Variants in WDR72 observed in about 807,000 individuals in gnomAD.
WDR72 encodes the protein WD repeat-containing protein 72.
Under a neutral mutation model 124.2 loss-of-function variants are expected in WDR72, and 120 were observed. The observed-to-expected ratio is 0.97, with a 90% CI of 0.83 to 1.12. The LOEUF (loss-of-function observed/expected upper bound fraction) is 1.12. Among genes scored for constraint, WDR72 ranks in the 50% most tolerant of loss-of-function variants. The probability of loss-of-function intolerance (pLI) is 0.00; values close to 1 mark genes in which losing one functional copy is unlikely to be tolerated. For missense variants in WDR72, 1,387 were observed against 1,278.8 expected (o/e 1.08, Z -1.29); for synonymous variants, 452 against 441.7 (o/e 1.02, Z -0.29).
intron 18 of WDR72, among the ~76,000 whole-genome samples, chr15:53,564,612 A>G (rs1170194981): frequency 1.3e-5 from 2 of 151,860 alleles, no homozygotes. Flanking sequence ...CTGTGTCTAA[A>G]TTTTCTGTAT....
intron 14 of WDR72, among the ~76,000 whole-genome samples, chr15:53,662,390 A>G (rs941126639): frequency 2.6e-5 from 4 of 152,174 alleles, no homozygotes; most frequent in Non-Finnish European, 4.4e-5. Flanking sequence ...ACTTGCTTCA[A>G]ATACAACAAT....
intron 13 of WDR72, among the ~76,000 whole-genome samples, chr15:53,669,020 G>T (rs981396835): frequency 8.2e-5 from 10 of 122,542 alleles, no homozygotes; most frequent in South Asian, 3.1e-4. Context: ...AAGGAGAAAA[G>T]AAGAAGGGAG....
At chr15:53,565,484 G>T (rs1197135691) in intron 18 of WDR72, among the ~76,000 whole-genome samples, 1 of 151,870 alleles carries the variant, frequency 6.6e-6, no homozygotes, top group East Asian at 1.9e-4. Context: ...AATGTGCCAA[G>T]ACCTATTCTC....
At position 53,517,306 on chromosome 15, in the gene WDR72, T is replaced by A. The variant is rs1891518223; in HGVS notation, c.*393A>T. The A allele has an allele frequency of 5.1e-6, 1 of 194,898 alleles. No homozygotes were observed. The highest frequency in any genetic ancestry group is 5.4e-5 in the Admixed American group (1 of 18,384). The allele number at this position is 194,898 out of a possible 1,614,324, so 12.1% of individuals were successfully genotyped here. The stretch of plus-strand genomic sequence containing the variant: ...AAGCAGTATTAAATTTGTAAGTAAG[T>A]ATTGTGTACTACATTGGTTTTAACA... On this transcript the variant is annotated 3_prime_UTR_variant, in exon 20 of 20. Coordinates refer to ENST00000360509, the MANE Select transcript of WDR72 (RefSeq NM_182758.4).
Position 53,531,947 on chromosome 15 carries a change from T to C in WDR72, c.3149-8625A>G, listed in dbSNP as rs149713539. Among the ~76,000 whole-genome samples the C allele has an allele frequency of 8.7e-3, 1,326 of 152,220 alleles. 23 individuals carry two copies. The highest frequency in any genetic ancestry group is 0.031 in the African/African-American group (1,278 of 41,546). On this transcript the variant is annotated intron_variant, in intron 18 of 19. Coordinates refer to ENST00000360509, the MANE Select transcript of WDR72 (RefSeq NM_182758.4). ...AATGTTAGACCAATTAGATTAGTTATAGAAAACAATCGTAAGGCAGAATGA... is the reference window on the plus strand; with the variant it reads ...AATGTTAGACCAATTAGATTAGTTACAGAAAACAATCGTAAGGCAGAATGA...
chr15:53,745,970 G>A (rs995285379), intron 1 of WDR72, among the ~76,000 whole-genome samples: 1 of 152,104 alleles, frequency 6.6e-6, no homozygotes, highest in Non-Finnish European at 1.5e-5. Flanking sequence ...AGGGATTTGC[G>A]ATGTGAAATT....
chr15:53,559,507 A>AT (rs1162401320), intron 18 of WDR72, among the ~76,000 whole-genome samples: 2 of 152,028 alleles, frequency 1.3e-5, no homozygotes, highest in Non-Finnish European at 2.9e-5. Context: ...ATCTGAAAGA[A>AT]CCACCTTCTT....
At chr15:53,618,177 C>A (rs2013844937) in intron 14 of WDR72, among the ~76,000 whole-genome samples, 1 of 151,810 alleles carries the variant, frequency 6.6e-6, no homozygotes, top group Non-Finnish European at 1.5e-5. Flanking sequence ...CAGAAAGTAA[C>A]CAATATTTGA....
At chr15:53,631,602 G>A (rs2014431546) in intron 14 of WDR72, among the ~76,000 whole-genome samples, 1 of 152,214 alleles carries the variant, frequency 6.6e-6, no homozygotes, top group African/African-American at 2.4e-5. Context: ...CCCAGAAATT[G>A]TTAAATGTTT....
intron 14 of WDR72, among the ~76,000 whole-genome samples, chr15:53,631,737 G>C (rs1595806965): frequency 6.6e-6 from 1 of 152,304 alleles, no homozygotes; most frequent in East Asian, 1.9e-4. Flanking sequence ...AAAGAGGGTG[G>C]CTGTATTGTG....
chr15:53,654,799 A>C (rs757179530), intron 14 of WDR72, among the ~76,000 whole-genome samples: 5 of 152,226 alleles, frequency 3.3e-5, no homozygotes, highest in Non-Finnish European at 5.9e-5. Context: ...CACACTCAGA[A>C]CTGTTAGTTT....
intron 13 of WDR72, among the ~76,000 whole-genome samples, chr15:53,693,391 C>CT (rs74539417): frequency 0.56 from 85,351 of 151,832 alleles, 24,570 homozygotes; most frequent in East Asian, 0.76. Context: ...TTCTGAAAAA[C>CT]GTGTCTTGCA....
At chr15:53,582,437 C>T (rs2011979472) in intron 18 of WDR72, among the ~76,000 whole-genome samples, 1 of 151,840 alleles carries the variant, frequency 6.6e-6, no homozygotes, top group Non-Finnish European at 1.5e-5. Context: ...GTGGCGCCTG[C>T]ACAATTTGAT....
chr15:53,565,155 G>C (rs1894250643), intron 18 of WDR72, among the ~76,000 whole-genome samples: 1 of 151,818 alleles, frequency 6.6e-6, no homozygotes, highest in African/African-American at 2.4e-5. Context: ...TGTAAGATTG[G>C]GGAAAGTGTT....
At chr15:53,553,403 C>T (rs1259845290) in intron 18 of WDR72, among the ~76,000 whole-genome samples, 2 of 152,104 alleles carry the variant, frequency 1.3e-5, no homozygotes, top group Admixed American at 6.5e-5. Flanking sequence ...GCAGTGTTTT[C>T]GTGTTATGTA....
At chr15:53,634,892 A>G (rs17730323) in intron 14 of WDR72, among the ~76,000 whole-genome samples, 37,455 of 152,148 alleles carry the variant, frequency 0.25, 5,003 homozygotes, top group East Asian at 0.46. Context: ...CAGCAAAGGT[A>G]GTAGTGCAAG....
intron 14 of WDR72, among the ~76,000 whole-genome samples, chr15:53,649,775 A>G (rs747942664): frequency 1.9e-4 from 29 of 152,198 alleles, no homozygotes; most frequent in Non-Finnish European, 3.5e-4. Flanking sequence ...AAATGAAAAC[A>G]AAAACAAAAC....
rs1563960 is a variant in WDR72 at position 53,734,821 on chromosome 15, T to A, written c.-12-1660A>T. On this transcript the variant is annotated intron_variant, in intron 1 of 19. Transcript: ENST00000360509. ...ATGGGTTGGGACTAAAAAAAAAAAATAATAATATTATATATAATTCCGGAA... is the reference window on the plus strand; with the variant it reads ...ATGGGTTGGGACTAAAAAAAAAAAAAAATAATATTATATATAATTCCGGAA... Among the ~76,000 whole-genome samples the A allele has an allele frequency of 1.3e-3, 53 of 39,898 alleles. 1 individual carries two copies. The highest frequency in any genetic ancestry group is 6.6e-3 in the South Asian group (5 of 756). 26.2% of individuals were successfully genotyped at this position (39,898 alleles called of 152,430 possible). A position where few individuals can be genotyped will look rare whatever the true frequency, so the allele number is the denominator to read the frequency against.
At chr15:53,649,652 A>G (rs932575098) in intron 14 of WDR72, among the ~76,000 whole-genome samples, 2 of 152,192 alleles carry the variant, frequency 1.3e-5, no homozygotes, top group Non-Finnish European at 2.9e-5. Flanking sequence ...CAAAAAAGAT[A>G]TACAAATGGT....
Sources: allele counts gnomAD v4.1 joint callset (sites outside exome capture counted in the v4.1 genomes callset), GRCh38; gene constraint gnomAD v4.1.1; transcripts MANE v1.5; gene names NCBI Gene and HGNC (gene_info 2026-07-23, HGNC 2026-07-21).